The following RBPJ variants were observed in gnomAD, a reference collection of about 807,000 sequenced individuals.
RBPJ encodes the protein recombining binding protein suppressor of hairless.
A neutral mutation model predicts 67.8 loss-of-function variants in RBPJ; 9 were observed. The ratio of observed to expected loss-of-function variants is 0.13; its 90% CI spans 0.08 to 0.23. The LOEUF (loss-of-function observed/expected upper bound fraction) is 0.23. Among genes scored for constraint, RBPJ ranks in the 10% least tolerant of loss-of-function variants. The pLI is 1.00. For missense variants in RBPJ, 305 were observed against 595.6 expected (o/e 0.51, Z 5.08); for synonymous variants, 198 against 203.3 (o/e 0.97, Z 0.22).
chr4:26,287,207 C>T (rs1369133786), intron 1 of RBPJ, among the ~76,000 whole-genome samples: 1 of 151,620 alleles, frequency 6.6e-6, no homozygotes, highest in African/African-American at 2.4e-5. Flanking sequence ...GATCTGTGCT[C>T]AAAAATAAAG....
At chr4:26,287,369 A>T (rs1721500762) in intron 1 of RBPJ, among the ~76,000 whole-genome samples, 1 of 151,686 alleles carries the variant, frequency 6.6e-6, no homozygotes, top group Non-Finnish European at 1.5e-5. Context: ...GCGAGACCCC[A>T]TCTCTAGCAA....
chr4:26,409,814 G>A (rs1260393183), intron 3 of RBPJ, among the ~76,000 whole-genome samples: 2 of 151,994 alleles, frequency 1.3e-5, no homozygotes, highest in African/African-American at 2.4e-5. Flanking sequence ...CAATTTCTGT[G>A]TATTATTTGG....
intron 1 of RBPJ, among the ~76,000 whole-genome samples, chr4:26,332,110 T>C (rs867575310): frequency 6.6e-6 from 1 of 152,154 alleles, no homozygotes; most frequent in South Asian, 2.1e-4. Context: ...ATTCCCAAGA[T>C]AGAAGTGATA....
the RBPJ span, among the ~76,000 whole-genome samples, chr4:26,148,003 C>T: frequency 6.6e-6 from 1 of 152,130 alleles, no homozygotes; most frequent in Non-Finnish European, 1.5e-5. Flanking sequence ...GAAGTTGAGG[C>T]TCAGCAAGTT....
chr4:26,265,195 A>G (rs1432378751), intron 1 of RBPJ, among the ~76,000 whole-genome samples: 1 of 152,212 alleles, frequency 6.6e-6, no homozygotes, highest in Non-Finnish European at 1.5e-5. Context: ...CTTACCATGC[A>G]TATAAAGTCT....
rs1718903289 is a variant in RBPJ at position 26,221,334 on chromosome 4, C to T, written c.-167+57720C>T. On this transcript the variant is annotated intron_variant, in intron 1 of 4. Coordinates refer to the RBPJ transcript ENST00000512351. ...CTCCATCTCCTGACCTCGTGATCCA[C>T]CCGCCTCCGCCTCTCAAAGTGCTGG... Among the ~76,000 whole-genome samples, 7 of 152,298 alleles carry T rather than the reference C, an allele frequency of 4.6e-5. No individual in the cohort carries two copies. In the South Asian group the frequency reaches 1.4e-3, roughly 32 times the overall value.
chr4:26,282,840 A>G (rs1408687331), intron 1 of RBPJ, among the ~76,000 whole-genome samples: 1 of 151,308 alleles, frequency 6.6e-6, no homozygotes, highest in Non-Finnish European at 1.5e-5. Flanking sequence ...GTATTTCATA[A>G]TAGCTTTATA....
intron 1 of RBPJ, among the ~76,000 whole-genome samples, chr4:26,211,517 T>C (rs539599122): frequency 4.6e-5 from 7 of 152,312 alleles, no homozygotes; most frequent in African/African-American, 1.7e-4. Flanking sequence ...ATAATTCACC[T>C]CTGTAAATTC....
chr4:26,413,518 C>T (rs1734248123), intron 3 of RBPJ, among the ~76,000 whole-genome samples: 1 of 151,976 alleles, frequency 6.6e-6, no homozygotes, highest in Non-Finnish European at 1.5e-5. Context: ...TGCTATATCC[C>T]CAGTATCTGT....
chr4:26,421,795 T>C (rs1053284005), intron 5 of RBPJ, among the ~76,000 whole-genome samples: 4 of 152,206 alleles, frequency 2.6e-5, no homozygotes, highest in African/African-American at 9.7e-5. Flanking sequence ...CCCTTTTTTT[T>C]GAAACATCAT....
the RBPJ span, among the ~76,000 whole-genome samples, chr4:26,125,696 G>A: frequency 6.6e-6 from 1 of 152,052 alleles, no homozygotes; most frequent in East Asian, 1.9e-4. Context: ...CTACTCAGGA[G>A]GCTGAGGCAG....
intron 1 of RBPJ, among the ~76,000 whole-genome samples, chr4:26,314,410 T>G (rs766574847): frequency 5.3e-5 from 8 of 152,164 alleles, no homozygotes; most frequent in Non-Finnish European, 1.0e-4. Context: ...TTTTGCCAAA[T>G]GGTTTCTGAT....
At chr4:26,343,751 T>C (rs1725817923) in intron 1 of RBPJ, among the ~76,000 whole-genome samples, 1 of 135,744 alleles carries the variant, frequency 7.4e-6, no homozygotes, top group African/African-American at 2.8e-5. Flanking sequence ...TTTTTTTTTT[T>C]TTTTTTTTTT....
rs1229165600 is a variant in RBPJ, at chr4:26,244,214, C to CAT, written c.-167+80603_-167+80604dup. On this transcript the variant is annotated intron_variant, in intron 1 of 4. Coordinates refer to the RBPJ transcript ENST00000512351. ...ATATATGTGTCTATATATGTATACA[C>CAT]ATATGTGTACACATATATGTGTCTA... 8.4e-5 allele frequency among the ~76,000 whole-genome samples: 9 copies of CAT among 106,746 alleles called. 1 individual carries two copies. Among genetic ancestry groups the CAT allele is most frequent in the Non-Finnish European group, 1.4e-4 (7 of 48,724 alleles). 70.0% of individuals were successfully genotyped at this position (106,746 alleles called of 152,430 possible). A position where few individuals can be genotyped will look rare whatever the true frequency, so the allele number is the denominator to read the frequency against.
At chr4:26,157,072 G>T in the RBPJ span, among the ~76,000 whole-genome samples, 1 of 118,844 alleles carries the variant, frequency 8.4e-6, no homozygotes. Flanking sequence ...ATGAGACCCT[G>T]TGTCAAAAAC....
At chr4:26,412,162 A>G (rs1452072005) in intron 3 of RBPJ, among the ~76,000 whole-genome samples, 4 of 151,248 alleles carry the variant, frequency 2.6e-5, no homozygotes, top group Non-Finnish European at 5.9e-5. Context: ...TTGAGATTTG[A>G]CTACTGTATT....
At chr4:26,141,008 T>C in the RBPJ span, among the ~76,000 whole-genome samples, 2 of 152,138 alleles carry the variant, frequency 1.3e-5, no homozygotes, top group African/African-American at 4.8e-5. Context: ...GTTGTTAAGA[T>C]GGTTAAGAAT....
intron 1 of RBPJ, among the ~76,000 whole-genome samples, chr4:26,284,632 C>T (rs1335287252): frequency 6.6e-6 from 1 of 151,530 alleles, no homozygotes; most frequent in East Asian, 2.0e-4. Context: ...CCACGCCTGG[C>T]TAATTTTTCT....
rs565599102 is a variant in RBPJ at position 26,427,333 on chromosome 4, GT to G, written c.748-1383del. Among the ~76,000 whole-genome samples, 48 of 152,260 alleles carry G rather than the reference GT, an allele frequency of 3.2e-4. 1 individual carries two copies. Among genetic ancestry groups the G allele is most frequent in the Non-Finnish European group, 6.0e-4 (41 of 68,016 alleles). On this transcript the variant is annotated intron_variant, in intron 7 of 10. Coordinates refer to ENST00000355476, the MANE Select transcript of RBPJ (RefSeq NM_015874.6). Reference sequence around the variant, plus strand: ...AGTTTAGGAGGAAATCCAAAAATCTGTTTTCGATATGCTAAGCTTGAGGTGC... The same window carrying G: ...AGTTTAGGAGGAAATCCAAAAATCTGTTTCGATATGCTAAGCTTGAGGTGC...
Sources: gnomAD v4.1 joint callset for allele counts (sites outside exome capture counted in the v4.1 genomes callset) on GRCh38, gnomAD v4.1.1 for gene constraint, MANE v1.5 for transcripts, NCBI Gene and HGNC (gene_info 2026-07-23, HGNC 2026-07-21) for gene names.